MARCHF10: variants seen among roughly 807,000 people sequenced by gnomAD.
MARCHF10 encodes probable E3 ubiquitin-protein ligase MARCHF10.
In MARCHF10, 64 loss-of-function variants were observed where a neutral mutation model predicts 76.2. The observed-to-expected ratio is 0.84, with a 90% CI of 0.69 to 1.03. The LOEUF (loss-of-function observed/expected upper bound fraction) is 1.03. Among genes scored for constraint, MARCHF10 ranks in the 50% least tolerant of loss-of-function variants. MARCHF10 has a pLI of 0.00. For synonymous variants in MARCHF10, 340 were observed against 357.5 expected, an observed-to-expected ratio of 0.95 and a Z score of 0.55; for missense variants, 875 against 958.0, an observed-to-expected ratio of 0.91 and a Z score of 1.14.
chr17:62,804,485 C>G (rs2148229281), intron 1 of MARCHF10, among the ~76,000 whole-genome samples: 1 of 152,230 alleles, frequency 6.6e-6, no homozygotes, highest in East Asian at 1.9e-4. Context: ...AGGAAGAAAC[C>G]AGGTGGGTGC....
intron 6 of MARCHF10, among the ~76,000 whole-genome samples, chr17:62,727,599 A>G (rs542891050): frequency 6.6e-6 from 1 of 152,324 alleles, no homozygotes; most frequent in East Asian, 1.9e-4. Flanking sequence ...TTTTAGGATT[A>G]GCTCAAGATA....
intron 10 of MARCHF10, among the ~76,000 whole-genome samples, chr17:62,702,026 G>A (rs1008677279): frequency 1.3e-5 from 2 of 152,206 alleles, no homozygotes; most frequent in Non-Finnish European, 2.9e-5. Context: ...ATAGCCTGGT[G>A]CAGAACTTGT....
intron 2 of MARCHF10, among the ~76,000 whole-genome samples, chr17:62,790,611 AG>A (rs1310728819): frequency 6.6e-6 from 1 of 152,256 alleles, no homozygotes; most frequent in Non-Finnish European, 1.5e-5. Context: ...TTTGTAAACT[AG>A]GCCTGACAAC....
At chr17:62,716,845 C>T (rs2090230783) in intron 8 of MARCHF10, among the ~76,000 whole-genome samples, 2 of 152,110 alleles carry the variant, frequency 1.3e-5, no homozygotes, top group South Asian at 2.1e-4. Context: ...GACTTGTACA[C>T]GTCTAGAAGT....
rs577279560 is a variant in MARCHF10 at position 62,701,484 on chromosome 17, C to G, written c.*219G>C. The G allele has an allele frequency of 9.2e-7, 1 of 1,089,558 alleles. No individual in the cohort carries two copies. The highest frequency in any genetic ancestry group is 1.3e-6 in the Non-Finnish European group (1 of 788,076). The allele number at this position is 1,089,558 out of a possible 1,614,324, so 67.5% of individuals were successfully genotyped here. On this transcript the variant is annotated 3_prime_UTR_variant, in exon 11 of 11. Coordinates refer to ENST00000311269, the MANE Select transcript of MARCHF10 (RefSeq NM_152598.4). Reference sequence around the variant, plus strand: ...GCCTGCCAGGGGCTCCACAGTCCCACGCTGCTTGACCTGTGCTGTCTGGGA... The same window carrying G: ...GCCTGCCAGGGGCTCCACAGTCCCAGGCTGCTTGACCTGTGCTGTCTGGGA...
intron 1 of MARCHF10, among the ~76,000 whole-genome samples, chr17:62,806,955 A>G (rs910761448): frequency 2.0e-5 from 3 of 152,232 alleles, no homozygotes; most frequent in Non-Finnish European, 2.9e-5. Context: ...TAAAGTTAAT[A>G]TGCTGTTAAG....
intron 2 of MARCHF10, among the ~76,000 whole-genome samples, chr17:62,796,697 G>C (rs1466517495): frequency 1.3e-5 from 2 of 152,182 alleles, no homozygotes; most frequent in African/African-American, 4.8e-5. Context: ...TCACACAAAA[G>C]ACAATGTGCA....
intron 3 of MARCHF10, among the ~76,000 whole-genome samples, chr17:62,766,403 G>C (rs1472269231): frequency 2.0e-5 from 3 of 152,096 alleles, no homozygotes; most frequent in Non-Finnish European, 4.4e-5. Context: ...AGGAGGCTGA[G>C]GCAGGAGAAT....
Position 62,725,037 on chromosome 17 carries a change from G to A in MARCHF10, c.2005C>T (p.Pro669Ser). ...CRICQIAGGS[P>S]SNPLLEPCGC... is the part of the protein sequence containing the mutation. ...CAAGGCTCCAGGAGGGGGTTGCTTG[G>A]GGAACCCCCGGCTATCTGACAGATG... The change falls in exon 7 of 11, where the codon CCA becomes TCA. Residue 669 changes from proline (P) to serine (S), a missense_variant. Pro to Ser is a moderately conservative substitution (Grantham distance 74). Coordinates refer to ENST00000311269, the MANE Select transcript of MARCHF10 (RefSeq NM_152598.4). 2 of 1,609,620 alleles carry A rather than the reference G, an allele frequency of 1.2e-6. No individual in the cohort carries two copies. Among genetic ancestry groups the A allele is most frequent in the South Asian group, 2.2e-5 (2 of 89,982 alleles).
rs12601649 is a variant in MARCHF10 at position 62,739,440 on chromosome 17, G to A, written c.536-2108C>T. ...TCTTTTTGCTGGAGTGCAATGGTGC[G>A]ATCTCGGCTCGGCTCACAGAAACCT... On this transcript the variant is annotated intron_variant, in intron 5 of 10. Coordinates refer to ENST00000311269, the MANE Select transcript of MARCHF10 (RefSeq NM_152598.4). Among the ~76,000 whole-genome samples, 79 of 150,430 alleles carry A rather than the reference G, an allele frequency of 5.3e-4. 2 individuals carry two copies. The highest frequency in any genetic ancestry group is 1.8e-3 in the African/African-American group (75 of 40,860).
intron 5 of MARCHF10, among the ~76,000 whole-genome samples, chr17:62,741,824 A>T: frequency 6.6e-6 from 1 of 151,568 alleles, no homozygotes. Flanking sequence ...CCTCCCGAGT[A>T]GCTGGGACTA....
At chr17:62,720,134 G>A (rs1239010768) in intron 8 of MARCHF10, among the ~76,000 whole-genome samples, 1 of 151,972 alleles carries the variant, frequency 6.6e-6, no homozygotes, top group African/African-American at 2.4e-5. Flanking sequence ...TACATTCCTG[G>A]TCTGGTAATT....
chr17:62,759,006 G>A (rs377521126), intron 4 of MARCHF10, among the ~76,000 whole-genome samples: 33 of 152,276 alleles, frequency 2.2e-4, no homozygotes, highest in East Asian at 1.9e-3. Flanking sequence ...TCCTGCCCCA[G>A]GCAGAAGACT....
At chr17:62,792,989 T>TGCC (rs2092891411) in intron 2 of MARCHF10, among the ~76,000 whole-genome samples, 2 of 67,834 alleles carry the variant, frequency 2.9e-5, no homozygotes, top group African/African-American at 6.2e-5. Flanking sequence ...CCTCCATCAC[T>TGCC]ACCACCACCT....
At chr17:62,724,186 A>AC (rs2090637568) in intron 7 of MARCHF10, among the ~76,000 whole-genome samples, 1 of 138,294 alleles carries the variant, frequency 7.2e-6, no homozygotes, top group Non-Finnish European at 1.6e-5. Flanking sequence ...TGTTCCATGC[A>AC]TTTTTTTTTT....
At chr17:62,759,314 C>T (rs1049231525) in intron 4 of MARCHF10, among the ~76,000 whole-genome samples, 19 of 152,178 alleles carry the variant, frequency 1.2e-4, no homozygotes, top group African/African-American at 2.4e-4. Context: ...GCAGAAAATG[C>T]GGGCGGTGGA....
chr17:62,748,549 C>T (rs1267482314), intron 4 of MARCHF10, among the ~76,000 whole-genome samples: 1 of 152,118 alleles, frequency 6.6e-6, no homozygotes, highest in Non-Finnish European at 1.5e-5. Context: ...CCAGCCTGGG[C>T]AACAAAGTGA....
Position 62,711,266 on chromosome 17 carries a change from T to C in MARCHF10, c.2293A>G (p.Met765Val). ...HLYEQRFAEL[M>V]RLNHNQVERE... Reference sequence around the variant, plus strand: ...TCCACCTGGTTGTGGTTGAGCCTCATGAGTTCTGCAAACCTCTGCTCATAG... The same window carrying C: ...TCCACCTGGTTGTGGTTGAGCCTCACGAGTTCTGCAAACCTCTGCTCATAG... Residue 765 changes from methionine (M) to valine (V), a missense_variant, in exon 9 of 11, where the codon ATG becomes GTG. Physicochemically the swap from Met to Val is conservative, Grantham distance 21. Coordinates refer to ENST00000311269, the MANE Select transcript of MARCHF10 (RefSeq NM_152598.4). The surrounding 1 kb of genome is among the most constrained non-coding windows in gnomAD (Gnocchi z 4.4). The C allele has an allele frequency of 6.2e-7, 1 of 1,614,060 alleles. No homozygotes were observed. Among genetic ancestry groups the C allele is most frequent in the Non-Finnish European group, 8.5e-7 (1 of 1,179,930 alleles).
Position 62,763,139 on chromosome 17 carries a change from AC to A in MARCHF10, c.211-3134del, listed in dbSNP as rs2092251662. Among the ~76,000 whole-genome samples the A allele has an allele frequency of 1.3e-5, 2 of 152,188 alleles. 1 individual carries two copies. The highest frequency in any genetic ancestry group is 4.1e-4 in the South Asian group (2 of 4,834). ...CTTAGAACAGCACCATATACATGTA[AC>A]CCAGCAAGCGCCATGCAAGTATTGG... On this transcript the variant is annotated intron_variant, in intron 3 of 10. Coordinates refer to ENST00000311269, the MANE Select transcript of MARCHF10 (RefSeq NM_152598.4).
Sources: gnomAD v4.1 joint callset for allele counts (sites outside exome capture counted in the v4.1 genomes callset) on GRCh38, gnomAD v4.1.1 for gene constraint, Gnocchi (gnomAD v3.1) non-coding constraint, MANE v1.5 for transcripts, NCBI Gene and HGNC (gene_info 2026-07-23, HGNC 2026-07-21) for gene names.